CPNE8: variants seen among roughly 807,000 people sequenced by gnomAD.
The protein encoded by CPNE8 is copine 8.
CPNE8 carries 45 observed loss-of-function variants against 81.5 expected under a neutral mutation model. The observed-to-expected ratio is 0.55, with a 90% confidence interval of 0.44 to 0.71. The LOEUF is 0.71. Among genes scored for constraint, CPNE8 ranks in the 30% least tolerant of loss-of-function variants. CPNE8 has a pLI of 0.00. For missense variants in CPNE8, 594 were observed against 672.1 expected (o/e 0.88, Z 1.28); for synonymous variants, 252 against 226.3 (o/e 1.11, Z -1.02).
chr12:38,783,340 C>T (rs954270972), intron 6 of CPNE8, among the ~76,000 whole-genome samples: 1 of 152,148 alleles, frequency 6.6e-6, no homozygotes, highest in Non-Finnish European at 1.5e-5. Flanking sequence ...CAGTACCTGG[C>T]TTTAACTTCA....
chr12:38,706,811 G>A (rs769551765), intron 13 of CPNE8, among the ~76,000 whole-genome samples: 4 of 152,212 alleles, frequency 2.6e-5, no homozygotes, highest in Non-Finnish European at 4.4e-5. Flanking sequence ...AAATGGATAC[G>A]TTTGTTTATG....
At chr12:38,776,349 A>T in intron 6 of CPNE8, 48 bp from the exon 7 acceptor site, 1 of 586,958 alleles carries the variant, frequency 1.7e-6, no homozygotes, top group East Asian at 4.2e-5. Flanking sequence ...TTATATTAAT[A>T]CTATATAATA....
intron 3 of CPNE8, among the ~76,000 whole-genome samples, chr12:38,870,666 T>C (rs1016695335): frequency 6.6e-6 from 1 of 151,796 alleles, no homozygotes; most frequent in South Asian, 2.1e-4. Flanking sequence ...AGGGGAGAAA[T>C]AGCATTAGGA....
intron 8 of CPNE8, 31 bp from the exon 9 acceptor site, chr12:38,762,247 T>A: frequency 7.8e-7 from 1 of 1,274,678 alleles, no homozygotes; most frequent in Non-Finnish European, 1.1e-6. Flanking sequence ...GTTATTTGCA[T>A]GCTTTGACTA....
intron 1 of CPNE8, among the ~76,000 whole-genome samples, chr12:38,895,378 T>A (rs1015107330): frequency 6.6e-6 from 1 of 152,060 alleles, no homozygotes; most frequent in Admixed American, 6.6e-5. Flanking sequence ...ACTGGTAAAT[T>A]TGAATGTCAC....
At chr12:38,677,386 T>G in intron 17 of CPNE8, 66 bp downstream of exon 17, 1 of 853,186 alleles carries the variant, frequency 1.2e-6, no homozygotes, top group Non-Finnish European at 2.0e-6. Context: ...GAATAGACTC[T>G]AGTCTCTCTC....
In CPNE8 at chr12:38,711,625, C is replaced by T. The variant is rs530885749; in HGVS notation, c.915-8704G>A. On this transcript the variant is annotated intron_variant, in intron 13 of 19. Coordinates refer to ENST00000331366, the MANE Select transcript of CPNE8 (RefSeq NM_153634.3). ...CTGGGATTACAGGCATGCGCCACCA[C>T]GCCCAGATAACTGTTGTATTTGTAG... Among the ~76,000 whole-genome samples, 261 of 152,172 alleles carry T rather than the reference C, an allele frequency of 1.7e-3. 1 individual carries two copies. Among genetic ancestry groups the T allele is most frequent in the African/African-American group, 5.9e-3 (247 of 41,520 alleles).
intron 16 of CPNE8, among the ~76,000 whole-genome samples, chr12:38,680,940 C>G (rs573926528): frequency 4.6e-5 from 7 of 151,588 alleles, no homozygotes; most frequent in Admixed American, 3.9e-4. Flanking sequence ...TTACAAATAG[C>G]CAAAAGATAG....
chr12:38,741,073 G>A (rs1592052998), intron 10 of CPNE8, among the ~76,000 whole-genome samples: 2 of 152,044 alleles, frequency 1.3e-5, no homozygotes, highest in East Asian at 3.9e-4. Context: ...TCATGGATAG[G>A]AAGAATCAAT....
chr12:38,791,860 C>T (rs951946483), intron 6 of CPNE8, among the ~76,000 whole-genome samples: 2 of 151,412 alleles, frequency 1.3e-5, no homozygotes, highest in South Asian at 2.1e-4. Context: ...AACAAATTCA[C>T]AAAGCTTGAA....
Position 38,702,856 on chromosome 12 carries a change from G to T in CPNE8, c.961+19C>A. On this transcript the variant is annotated intron_variant, in intron 14 of 19. Coordinates refer to ENST00000331366, the MANE Select transcript of CPNE8 (RefSeq NM_153634.3). ...GTAATTGCTGATGATTTTTATCAGGGGATAATCAAAACACTCACCGTTTGA... is the reference window on the plus strand; with the variant it reads ...GTAATTGCTGATGATTTTTATCAGGTGATAATCAAAACACTCACCGTTTGA... 1 of 1,443,646 alleles carries T rather than the reference G, an allele frequency of 6.9e-7. No individual in the cohort carries two copies. Among genetic ancestry groups the T allele is most frequent in the Non-Finnish European group, 9.4e-7 (1 of 1,063,736 alleles). 89.4% of individuals were successfully genotyped at this position (1,443,646 alleles called of 1,614,324 possible). A position where few individuals can be genotyped will look rare whatever the true frequency, so the allele number is the denominator to read the frequency against.
At chr12:38,796,346 T>C (rs1942472512) in intron 6 of CPNE8, among the ~76,000 whole-genome samples, 1 of 151,962 alleles carries the variant, frequency 6.6e-6, no homozygotes, top group African/African-American at 2.4e-5. Flanking sequence ...AAATATTTAG[T>C]TTTTATAAAA....
At chr12:38,768,390 C>T (rs958555747) in intron 7 of CPNE8, among the ~76,000 whole-genome samples, 3 of 152,084 alleles carry the variant, frequency 2.0e-5, no homozygotes, top group Non-Finnish European at 4.4e-5. Context: ...CTCGCAGCTA[C>T]ATGATTTAAA....
chr12:38,705,058 A>G (rs922197217), intron 13 of CPNE8, among the ~76,000 whole-genome samples: 11 of 151,330 alleles, frequency 7.3e-5, no homozygotes, highest in African/African-American at 2.4e-4. Context: ...CAAATACATG[A>G]CAATGCTATA....
At chr12:38,702,560 AG>A (rs2136690478) in intron 14 of CPNE8, among the ~76,000 whole-genome samples, 1 of 152,256 alleles carries the variant, frequency 6.6e-6, no homozygotes, top group African/African-American at 2.4e-5. Context: ...AGAGGGTAGG[AG>A]AATGGGTCAG....
chr12:38,710,280 A>AAAAAC (rs1555145918), intron 13 of CPNE8, among the ~76,000 whole-genome samples: 1 of 149,118 alleles, frequency 6.7e-6, no homozygotes, highest in Non-Finnish European at 1.5e-5. Flanking sequence ...AAAAAAAAAA[A>AAAAAC]AAAAAAAACC....
chr12:38,763,817 G>T (rs1941620723), intron 8 of CPNE8, among the ~76,000 whole-genome samples: 1 of 152,116 alleles, frequency 6.6e-6, no homozygotes, highest in Non-Finnish European at 1.5e-5. Flanking sequence ...TTATCTAACA[G>T]TAATGACACA....
At chr12:38,889,058 G>T (rs1944274811) in intron 1 of CPNE8, among the ~76,000 whole-genome samples, 3 of 152,194 alleles carry the variant, frequency 2.0e-5, no homozygotes, top group Admixed American at 2.0e-4. Flanking sequence ...TATCCTATGA[G>T]AATTTACAGT....
At chr12:38,824,368 C>T (rs1376761125) in intron 6 of CPNE8, among the ~76,000 whole-genome samples, 1 of 152,068 alleles carries the variant, frequency 6.6e-6, no homozygotes, top group Non-Finnish European at 1.5e-5. Context: ...ATAATCCTAA[C>T]TTCGTTGTCA....
Sources: allele counts gnomAD v4.1 joint callset (sites outside exome capture counted in the v4.1 genomes callset), GRCh38; gene constraint gnomAD v4.1.1; transcripts MANE v1.5; gene names NCBI Gene and HGNC (gene_info 2026-07-23, HGNC 2026-07-21).